SLC5A12: variants seen among roughly 807,000 people sequenced by gnomAD.
SLC5A12 encodes the protein sodium-coupled monocarboxylate transporter 2.
In SLC5A12, 46 loss-of-function variants were observed where a neutral mutation model predicts 72.7. That is an observed-to-expected ratio of 0.63 (90% confidence interval 0.50 to 0.81). SLC5A12 has a LOEUF of 0.81. Ranked by LOEUF, SLC5A12 falls within the 30% of genes least tolerant of loss-of-function variation. The probability of loss-of-function intolerance (pLI) is 0.00; values close to 1 mark genes in which losing one functional copy is unlikely to be tolerated. For missense variants in SLC5A12, 683 were observed against 740.7 expected, an observed-to-expected ratio of 0.92 and a Z score of 0.90; for synonymous variants, 275 against 264.4, an observed-to-expected ratio of 1.04 and a Z score of -0.39.
In SLC5A12 at chr11:26,667,585, A is replaced by G. The variant is rs1030464041; in HGVS notation, c.*3517T>C. On this transcript the variant is annotated 3_prime_UTR_variant, in exon 15 of 15. Coordinates refer to ENST00000396005, the MANE Select transcript of SLC5A12 (RefSeq NM_178498.4). ...AGTTGCTTTGAACTGTGCAATGAGT[A>G]ATAAACTTGGGTTGAGATGCTGTTT... 1 of 151,984 alleles carries G rather than the reference A, an allele frequency of 6.6e-6. No individual in the cohort carries two copies. Among genetic ancestry groups the G allele is most frequent in the African/African-American group, 2.4e-5 (1 of 41,430 alleles). 9.4% of individuals were successfully genotyped at this position (151,984 alleles called of 1,614,324 possible).
rs1382232377 is a variant in SLC5A12, at chr11:26,673,434, A to G, written c.1675T>C (p.Cys559Arg). The change falls in exon 14 of 15, where the codon TGT becomes CGT. Residue 559 changes from cysteine (C) to arginine (R), a missense_variant. Transcript: ENST00000396005. ...WSKKYKTLCW[C>R]GVQHDSGTEQ... The stretch of plus-strand genomic sequence containing the variant: ...GTCCCACTGTCATGCTGAACTCCAC[A>G]CCAGCATAGTGTTTTGTACTTCTTA... 4 of 1,609,760 alleles carry G rather than the reference A, an allele frequency of 2.5e-6. No individual in the cohort carries two copies. Among genetic ancestry groups the G allele is most frequent in the South Asian group, 1.1e-5 (1 of 90,144 alleles).
chr11:26,705,827 A>C (rs1354114407), intron 4 of SLC5A12, among the ~76,000 whole-genome samples: 2 of 151,858 alleles, frequency 1.3e-5, no homozygotes, highest in Non-Finnish European at 2.9e-5. Context: ...AAGAGAACAA[A>C]CCACTTTATC....
intron 1 of SLC5A12, among the ~76,000 whole-genome samples, chr11:26,713,390 G>A (rs1162157375): frequency 2.0e-5 from 3 of 151,876 alleles, no homozygotes; most frequent in African/African-American, 7.3e-5. Context: ...CCTTCATTTA[G>A]GCAGAACTCT....
At position 26,720,406 on chromosome 11, in the gene SLC5A12, A is replaced by G. The variant is rs1441898685; in HGVS notation, c.339+970T>C. The stretch of plus-strand genomic sequence containing the variant: ...GTGCCTTTTTAAGTATCTTAAGAGT[A>G]GATGCTTAATGAGTATTTACTGAGT... On this transcript the variant is annotated intron_variant, in intron 1 of 14. Coordinates refer to ENST00000396005, the MANE Select transcript of SLC5A12 (RefSeq NM_178498.4). Among the ~76,000 whole-genome samples the G allele has an allele frequency of 3.3e-5, 5 of 152,156 alleles. No individual in the cohort carries two copies. The East Asian group carries it at 9.6e-4, about 29-fold the overall frequency.
chr11:26,678,635 AAGAC>A, intron 13 of SLC5A12, 73 bp downstream of exon 13: 1 of 1,067,400 alleles, frequency 9.4e-7, no homozygotes, highest in Non-Finnish European at 1.4e-6. Flanking sequence ...TCAAAGCAAT[AAGAC>A]AGACAGCCAG....
chr11:26,701,198 AC>A (rs1413168553), intron 6 of SLC5A12, among the ~76,000 whole-genome samples: 1 of 152,200 alleles, frequency 6.6e-6, no homozygotes. Flanking sequence ...GTGCACTGCA[AC>A]TATACCAAAC....
intron 4 of SLC5A12, 74 bp downstream of exon 4, chr11:26,709,238 C>T (rs577747884): frequency 3.8e-6 from 4 of 1,052,732 alleles, no homozygotes; most frequent in Non-Finnish European, 2.9e-6. Flanking sequence ...TAATTAGATG[C>T]CTATTGCTGG....
At chr11:26,714,996 A>C (rs937289498) in intron 1 of SLC5A12, among the ~76,000 whole-genome samples, 1 of 145,902 alleles carries the variant, frequency 6.9e-6, no homozygotes, top group Non-Finnish European at 1.5e-5. Flanking sequence ...GTGAGGAGTC[A>C]GCAGTCACAA....
In SLC5A12 at chr11:26,669,814, A is replaced by T; in HGVS notation, c.*1288T>A. ...TGGACCATTTCTTCTTACTTTGCTA[A>T]CACACTGTTTCTAGGCCTTTTGCTT... On this transcript the variant is annotated 3_prime_UTR_variant, in exon 15 of 15. Transcript: ENST00000396005. 1 of 152,184 alleles carries T rather than the reference A, an allele frequency of 6.6e-6. No homozygotes were observed. The highest frequency in any genetic ancestry group is 1.9e-4 in the East Asian group (1 of 5,182). 9.4% of individuals were successfully genotyped at this position (152,184 alleles called of 1,614,324 possible).
chr11:26,709,503 AG>A, intron 3 of SLC5A12, 124 bp from the exon 4 acceptor site: 1 of 688,200 alleles, frequency 1.5e-6, no homozygotes, highest in East Asian at 2.7e-5. Context: ...AAATCAAATT[AG>A]AGTTTTCCCT....
intron 2 of SLC5A12, among the ~76,000 whole-genome samples, chr11:26,711,661 C>T (rs568248874): frequency 7.2e-5 from 11 of 152,210 alleles, no homozygotes; most frequent in African/African-American, 2.6e-4. Flanking sequence ...TTTGATTCAT[C>T]TTCCTTCTAT....
Position 26,667,353 on chromosome 11 carries a change from CTG to C in SLC5A12, c.*3747_*3748del, listed in dbSNP as rs1213581355. 1 of 151,892 alleles carries C rather than the reference CTG, an allele frequency of 6.6e-6. No individual in the cohort carries two copies. Among genetic ancestry groups the C allele is most frequent in the African/African-American group, 2.4e-5 (1 of 41,420 alleles). 9.4% of individuals were successfully genotyped at this position (151,892 alleles called of 1,614,324 possible). On this transcript the variant is annotated 3_prime_UTR_variant, in exon 15 of 15. Transcript: ENST00000396005. ...TCTTTGTAATAATGTTTGATTAAGA[CTG>C]TAACAGCACAAAAATATTTCAGTAA... is the stretch of plus-strand genomic sequence containing the variant.
At position 26,675,480 on chromosome 11, in the gene SLC5A12, G is replaced by C. The variant is rs191417932; in HGVS notation, c.1580-1951C>G. On this transcript the variant is annotated intron_variant, in intron 13 of 14. Coordinates refer to ENST00000396005, the MANE Select transcript of SLC5A12 (RefSeq NM_178498.4). ...CTTGGGGATTGAGCATCAGTGGACT[G>C]CTGAGAAAATTGGTTGAAACCAAGT... 2.7e-3 allele frequency among the ~76,000 whole-genome samples: 414 copies of C among 152,284 alleles called. 1 individual carries two copies. The highest frequency in any genetic ancestry group is 6.8e-3 in the Middle Eastern group (2 of 294).
At chr11:26,682,690 G>GA (rs140422877) in intron 11 of SLC5A12, among the ~76,000 whole-genome samples, 5,457 of 152,142 alleles carry the variant, frequency 0.036, 316 homozygotes, top group African/African-American at 0.12. Flanking sequence ...TGACCAAATA[G>GA]AAAAAACTAC....
At chr11:26,701,173 C>G (rs1854949689) in intron 6 of SLC5A12, among the ~76,000 whole-genome samples, 1 of 152,170 alleles carries the variant, frequency 6.6e-6, no homozygotes, top group Admixed American at 6.5e-5. Flanking sequence ...CTACAGCAAT[C>G]TCCCCTCCAG....
chr11:26,700,889 A>G (rs1300364306), intron 6 of SLC5A12, among the ~76,000 whole-genome samples: 3 of 152,178 alleles, frequency 2.0e-5, no homozygotes, highest in Non-Finnish European at 2.9e-5. Context: ...ACCCATGCCC[A>G]CTTTTAGTGT....
intron 13 of SLC5A12, among the ~76,000 whole-genome samples, chr11:26,676,992 C>A (rs1854281391): frequency 6.6e-6 from 1 of 152,124 alleles, no homozygotes; most frequent in Admixed American, 6.5e-5. Flanking sequence ...TCCTTACTGA[C>A]CCTATTCTAC....
chr11:26,703,023 TC>T (rs1319649746), intron 6 of SLC5A12, among the ~76,000 whole-genome samples: 1 of 152,198 alleles, frequency 6.6e-6, no homozygotes, highest in Non-Finnish European at 1.5e-5. Context: ...CTATAATTTT[TC>T]CCCTTGTGTT....
intron 9 of SLC5A12, among the ~76,000 whole-genome samples, chr11:26,690,742 G>A (rs1437911310): frequency 2.0e-5 from 3 of 150,414 alleles, no homozygotes; most frequent in African/African-American, 4.9e-5. Flanking sequence ...AGGAGGTGGA[G>A]GTTGCAGTGA....
Sources: gnomAD v4.1 joint callset for allele counts (sites outside exome capture counted in the v4.1 genomes callset) on GRCh38, gnomAD v4.1.1 for gene constraint, MANE v1.5 for transcripts, NCBI Gene and HGNC (gene_info 2026-07-23, HGNC 2026-07-21) for gene names.